Variants in SYNE2 observed in about 807,000 individuals in gnomAD.
SYNE2 encodes spectrin repeat containing nuclear envelope protein 2.
In SYNE2, 431 loss-of-function variants were observed where a neutral mutation model predicts 856.3. The ratio of observed to expected loss-of-function variants is 0.50; its 90% CI spans 0.47 to 0.55. SYNE2 has a LOEUF of 0.55. SYNE2 is among the 20% of genes least tolerant of loss of function. SYNE2 has a pLI of 0.00. For missense variants in SYNE2, 8,129 were observed against 8,023.2 expected, an observed-to-expected ratio of 1.01 and a Z score of -0.50; for synonymous variants, 2,923 against 2,872.3, an observed-to-expected ratio of 1.02 and a Z score of -0.56.
intron 1 of SYNE2, among the ~76,000 whole-genome samples, chr14:63,880,690 T>A (rs915759713): frequency 2.0e-5 from 3 of 147,388 alleles, no homozygotes; most frequent in Non-Finnish European, 4.5e-5. Context: ...TTTTTTTTTT[T>A]AAGACAGGGT....
At chr14:63,974,048 A>G (rs749616674) in intron 11 of SYNE2, among the ~76,000 whole-genome samples, 3 of 152,218 alleles carry the variant, frequency 2.0e-5, no homozygotes, top group Non-Finnish European at 4.4e-5. Flanking sequence ...TGGGCAACAT[A>G]GTGAGACCTT....
intron 81 of SYNE2, 26 bp from the exon 82 acceptor site, chr14:64,141,916 A>C: frequency 6.2e-7 from 1 of 1,613,136 alleles, no homozygotes; most frequent in Non-Finnish European, 8.5e-7. Context: ...GCAGGCAATT[A>C]AATGGAAATC....
Position 64,126,732 on chromosome 14 carries a change from G to A in SYNE2, c.13842G>A (p.Leu4614=). Residue 4614 remains leucine (L), a synonymous_variant, in exon 73 of 116, where the codon CTG becomes CTA. Coordinates refer to ENST00000555002, the MANE Select transcript of SYNE2 (RefSeq NM_182914.3). ...LECFDNLQVC[L]EHTQAAAVCR... is the part of the protein sequence containing the mutation. ...GTTTTGACAACCTTCAAGTCTGCCT[G>A]GAGCACACTCAGGCTGCAGCTGTCT... 1 of 1,614,186 alleles carries A rather than the reference G, an allele frequency of 6.2e-7. No homozygotes were observed. Among genetic ancestry groups the A allele is most frequent in the Non-Finnish European group, 8.5e-7 (1 of 1,180,038 alleles).
intron 1 of SYNE2, among the ~76,000 whole-genome samples, chr14:63,777,346 T>C (rs1595100022): frequency 6.6e-6 from 1 of 152,160 alleles, no homozygotes; most frequent in Non-Finnish European, 1.5e-5. Flanking sequence ...CCAAATGTGG[T>C]TAATATCTTC....
intron 1 of SYNE2, among the ~76,000 whole-genome samples, chr14:63,843,941 C>T (rs1890148413): frequency 6.6e-6 from 1 of 152,130 alleles, no homozygotes; most frequent in African/African-American, 2.4e-5. Context: ...ATACTGCCCT[C>T]CTTCCACACA....
chr14:63,802,906 G>A (rs771366221), intron 1 of SYNE2, among the ~76,000 whole-genome samples: 43 of 152,142 alleles, frequency 2.8e-4, no homozygotes, highest in Non-Finnish European at 4.9e-4. Flanking sequence ...AGATCTTCGC[G>A]GTGAGTGTTA....
chr14:64,167,615 C>T lies in SYNE2; in HGVS notation c.16881C>T (p.Leu5627=), dbSNP rs149949857. 4.3e-5 allele frequency: 70 copies of T among 1,614,182 alleles called. No individual in the cohort carries two copies. The African/African-American group carries it at 7.9e-4, about 18-fold the overall frequency. Reference sequence around the variant, plus strand: ...ATGTGGCTAACAGCCTTCCTGAGCTCCTGGAGCAGCAGAAAACCTATAAGG... The same window carrying T: ...ATGTGGCTAACAGCCTTCCTGAGCTTCTGGAGCAGCAGAAAACCTATAAGG... ...KVDVANSLPE[L]LEQQKTYKML... Residue 5627 remains leucine, a synonymous_variant, in exon 92 of 116, where the codon CTC becomes CTT. Transcript: ENST00000555002.
chr14:63,991,049 TATG>T lies in SYNE2; in HGVS notation c.2585_2587del (p.Met862del). 3 of 1,614,118 alleles carry T rather than the reference TATG, an allele frequency of 1.9e-6. No individual in the cohort carries two copies. The highest frequency in any genetic ancestry group is 2.5e-6 in the Non-Finnish European group (3 of 1,179,998). The stretch of plus-strand genomic sequence containing the variant: ...AATCCCAGAAGGAACTTGAATCATA[TATG>T]ATGAGGGCTCAGCAGTTACTGGGGC... On this transcript the variant is annotated inframe_deletion, in exon 21 of 116. Transcript: ENST00000555002.
rs751834994 is a variant in SYNE2, at chr14:64,163,508, C to T, written c.16406C>T (p.Pro5469Leu). The T allele has an allele frequency of 6.2e-6, 10 of 1,614,062 alleles. No homozygotes were observed. Among genetic ancestry groups the T allele is most frequent in the African/African-American group, 5.3e-5 (4 of 74,928 alleles). ...GAGTCCAGCACCCACATGCTCCTCC[C>T]GGGCCCCCTGCACTCTCTCCAGAGG... Reference protein sequence around the residue: ...PAESSTHMLLPGPLHSLQRAA... With the variant: ...PAESSTHMLLLGPLHSLQRAA... The change falls in exon 89 of 116, where the codon CCG becomes CTG. Residue 5469 changes from proline to leucine, a missense_variant. Coordinates refer to ENST00000555002, the MANE Select transcript of SYNE2 (RefSeq NM_182914.3).
chr14:64,019,130 G>A (rs1362802438), intron 34 of SYNE2, among the ~76,000 whole-genome samples: 1 of 152,082 alleles, frequency 6.6e-6, no homozygotes, highest in Non-Finnish European at 1.5e-5. Context: ...AATATTAGCT[G>A]GGTGTGGTGG....
chr14:64,182,600 C>T (rs2098463916), intron 96 of SYNE2, among the ~76,000 whole-genome samples: 1 of 152,128 alleles, frequency 6.6e-6, no homozygotes, highest in African/African-American at 2.4e-5. Context: ...TCTTAACGAG[C>T]ATGCTGCCTT....
Position 63,962,910 on chromosome 14 carries a change from T to C in SYNE2, c.889-989T>C, listed in dbSNP as rs929971755. On this transcript the variant is annotated intron_variant, in intron 9 of 115. Coordinates refer to ENST00000555002, the MANE Select transcript of SYNE2 (RefSeq NM_182914.3). Reference sequence around the variant, plus strand: ...TACTTTCAGTGAATTACACAAAATATTGTGGGTAGAAACTTCATAAAAATT... The same window carrying C: ...TACTTTCAGTGAATTACACAAAATACTGTGGGTAGAAACTTCATAAAAATT... Among the ~76,000 whole-genome samples the C allele has an allele frequency of 3.9e-5, 6 of 152,346 alleles. No homozygotes were observed. The South Asian group carries it at 1.2e-3, about 32-fold the overall frequency.
intron 7 of SYNE2, among the ~76,000 whole-genome samples, chr14:63,950,352 G>A (rs779235963): frequency 6.6e-6 from 1 of 152,078 alleles, no homozygotes; most frequent in Non-Finnish European, 1.5e-5. Flanking sequence ...TCAGGAGTTC[G>A]AGACCAGCCT....
At chr14:64,183,745 C>G (rs1362217518) in intron 96 of SYNE2, among the ~76,000 whole-genome samples, 1 of 152,120 alleles carries the variant, frequency 6.6e-6, no homozygotes, top group Non-Finnish European at 1.5e-5. Flanking sequence ...GAAACTCCGT[C>G]TCCACCAAAA....
intron 35 of SYNE2, 133 bp downstream of exon 35, chr14:64,020,226 C>A: frequency 1.5e-6 from 1 of 677,016 alleles, no homozygotes; most frequent in East Asian, 2.7e-5. Flanking sequence ...ATTAAAGATT[C>A]TCTATAACAG....
intron 41 of SYNE2, among the ~76,000 whole-genome samples, chr14:64,026,126 G>A (rs890965048): frequency 2.0e-5 from 3 of 152,068 alleles, no homozygotes; most frequent in African/African-American, 2.4e-5. Flanking sequence ...ATATCCAGAC[G>A]TTTTCCCAGA....
intron 92 of SYNE2, among the ~76,000 whole-genome samples, chr14:64,168,282 T>C (rs1295358286): frequency 6.6e-6 from 1 of 152,160 alleles, no homozygotes; most frequent in Admixed American, 6.5e-5. Context: ...TTTTGTATTT[T>C]TAGTAGAGAT....
intron 1 of SYNE2, among the ~76,000 whole-genome samples, chr14:63,837,358 T>C (rs774117295): frequency 7.9e-5 from 12 of 152,194 alleles, no homozygotes; most frequent in Non-Finnish European, 1.6e-4. Flanking sequence ...AGAAAGCCTA[T>C]GTGTATATCT....
Position 64,126,784 on chromosome 14 carries a change from C to G in SYNE2, c.13894C>G (p.Leu4632Val). 1 of 1,612,932 alleles carries G rather than the reference C, an allele frequency of 6.2e-7. No homozygotes were observed. The highest frequency in any genetic ancestry group is 8.5e-7 in the Non-Finnish European group (1 of 1,180,016). The change falls in exon 73 of 116, where the codon CTC (leucine) becomes GTC (valine). Residue 4632 changes from leucine to valine, a missense_variant. This residue lies in a region of SYNE2 where 5,410 missense variants were observed against 5,284.8 expected (regional missense o/e 1.02). Transcript: ENST00000555002. ...VCRSKSLKAG[L>V]DYNRSYQNEI... ...TAGAAGCAAGTCCCTGAAAGCTGGC[C>G]TCGATTACAACCGCAGTTACCAGGT...
Sources: allele counts gnomAD v4.1 joint callset (sites outside exome capture counted in the v4.1 genomes callset), GRCh38; gene constraint gnomAD v4.1.1; regional missense constraint gnomAD v4.1.1; transcripts MANE v1.5; gene names NCBI Gene and HGNC (gene_info 2026-07-23, HGNC 2026-07-21).